The following CEP128 variants were observed in gnomAD, a reference collection of about 807,000 sequenced individuals.
CEP128 encodes the protein centrosomal protein 128, also known as centrosomal protein 128kDa.
In CEP128, 132 loss-of-function variants were observed where a neutral mutation model predicts 156.7. The ratio of observed to expected loss-of-function variants is 0.84; its 90% CI spans 0.73 to 0.97. CEP128 has a LOEUF of 0.97. Among genes scored for constraint, CEP128 ranks in the 50% least tolerant of loss-of-function variants. The pLI is 0.00. For missense variants in CEP128, 1,252 were observed against 1,281.9 expected (o/e 0.98, Z 0.36); for synonymous variants, 469 against 448.9 (o/e 1.04, Z -0.57).
At chr14:80,679,461 CTGAGA>C (rs1255550914) in intron 19 of CEP128, among the ~76,000 whole-genome samples, 1 of 152,100 alleles carries the variant, frequency 6.6e-6, no homozygotes, top group Non-Finnish European at 1.5e-5. Context: ...TCTTACGTGG[CTGAGA>C]TAAGGACTGA....
intron 8 of CEP128, among the ~76,000 whole-genome samples, chr14:80,877,372 A>G (rs977104426): frequency 1.3e-5 from 2 of 152,222 alleles, no homozygotes; most frequent in Non-Finnish European, 1.5e-5. Context: ...ACAGTGTTAC[A>G]CTGACCTTTA....
chr14:80,502,839 T>C (rs1472191999), intron 24 of CEP128, among the ~76,000 whole-genome samples: 1 of 152,238 alleles, frequency 6.6e-6, no homozygotes, highest in Admixed American at 6.5e-5. Flanking sequence ...TACAGGACAA[T>C]TTCTGTAACT....
chr14:80,810,323 C>CAAAAAAAAAAAAAAAAAAAAAAAAA (rs71103883), intron 13 of CEP128, among the ~76,000 whole-genome samples: 5 of 15,206 alleles, frequency 3.3e-4, no homozygotes, highest in Non-Finnish European at 5.3e-4. Context: ...ACTCCATCTC[C>CAAAAAAAAAAAAAAAAAAAAAAAAA]AAAAAAAAAA....
At chr14:80,545,416 A>G (rs1320614327) in intron 21 of CEP128, among the ~76,000 whole-genome samples, 1 of 152,252 alleles carries the variant, frequency 6.6e-6, no homozygotes, top group African/African-American at 2.4e-5. Flanking sequence ...TACCATAAAA[A>G]TAAACAATAA....
intron 8 of CEP128, 140 bp from the exon 9 acceptor site, chr14:80,863,013 C>T (rs553150837): frequency 1.2e-3 from 642 of 527,736 alleles, no homozygotes; most frequent in Non-Finnish European, 1.8e-3. Context: ...CTTCTAATGA[C>T]GCTAACATGA....
intron 23 of CEP128, among the ~76,000 whole-genome samples, chr14:80,517,873 TATC>T (rs1185912402): frequency 2.0e-5 from 3 of 152,058 alleles, no homozygotes; most frequent in African/African-American, 7.2e-5. Flanking sequence ...GGCGAGCCTT[TATC>T]CTGACTGGGA....
rs1885249859 is a variant in CEP128 at position 80,822,604 on chromosome 14, G to A, written c.1209+8539C>T. The A allele has an allele frequency of 7.0e-6, 5 of 714,588 alleles. No homozygotes were observed. In the Admixed American group the frequency reaches 8.8e-5, roughly 13 times the overall value. The allele number at this position is 714,588 out of a possible 1,614,324, so 44.3% of individuals were successfully genotyped here. A position where few individuals can be genotyped will look rare whatever the true frequency, so the allele number is the denominator to read the frequency against. ...ACGAATCACACAGAAGATCCATGAGGTTGTCAGCTAAACCTGCTCCTCCAA... is the reference window on the plus strand; with the variant it reads ...ACGAATCACACAGAAGATCCATGAGATTGTCAGCTAAACCTGCTCCTCCAA... On this transcript the variant is annotated intron_variant, in intron 13 of 24. Transcript: ENST00000555265.
At chr14:80,639,336 T>C (rs2140778214) in intron 19 of CEP128, among the ~76,000 whole-genome samples, 1 of 152,276 alleles carries the variant, frequency 6.6e-6, no homozygotes, top group African/African-American at 2.4e-5. Context: ...TGGGATAAGT[T>C]ACCAAAAGAG....
At chr14:80,820,007 AG>A (rs33927233) in intron 13 of CEP128, among the ~76,000 whole-genome samples, 9,818 of 152,072 alleles carry the variant, frequency 0.065, 1,050 homozygotes, top group African/African-American at 0.22. Context: ...AAAATATTTG[AG>A]TAATAATTTT....
chr14:80,602,942 T>C (rs1227155425), intron 19 of CEP128, among the ~76,000 whole-genome samples: 1 of 151,970 alleles, frequency 6.6e-6, no homozygotes, highest in Non-Finnish European at 1.5e-5. Context: ...AAAGAAGAAA[T>C]CAAAAGTGAA....
At chr14:80,692,046 C>A in intron 19 of CEP128, among the ~76,000 whole-genome samples, 1 of 152,180 alleles carries the variant, frequency 6.6e-6, no homozygotes, top group South Asian at 2.1e-4. Context: ...ACCTGATTAC[C>A]CAGTTAGATG....
chr14:80,691,289 C>G (rs1283382467), intron 19 of CEP128, among the ~76,000 whole-genome samples: 1 of 152,102 alleles, frequency 6.6e-6, no homozygotes, highest in Non-Finnish European at 1.5e-5. Flanking sequence ...TGATATTAAT[C>G]AGAAGTCAAT....
At chr14:80,747,207 A>G (rs1374657366) in intron 18 of CEP128, among the ~76,000 whole-genome samples, 1 of 152,244 alleles carries the variant, frequency 6.6e-6, no homozygotes, top group African/African-American at 2.4e-5. Flanking sequence ...GAGGTACCAT[A>G]TAACCCAGCA....
At chr14:80,600,374 C>A (rs58018311) in intron 19 of CEP128, among the ~76,000 whole-genome samples, 4,317 of 152,168 alleles carry the variant, frequency 0.028, 217 homozygotes, top group African/African-American at 0.098. Context: ...AAGAGATAAT[C>A]TTGAAAGCAG....
At chr14:80,903,832 A>G (rs964491114) in intron 6 of CEP128, among the ~76,000 whole-genome samples, 2 of 152,180 alleles carry the variant, frequency 1.3e-5, no homozygotes, top group Non-Finnish European at 2.9e-5. Flanking sequence ...TTTTATCAAA[A>G]AGATGAAAGA....
At chr14:80,661,188 A>G (rs1230648838) in intron 19 of CEP128, among the ~76,000 whole-genome samples, 1 of 151,814 alleles carries the variant, frequency 6.6e-6, no homozygotes, top group Non-Finnish European at 1.5e-5. Context: ...ATAGTTTAAA[A>G]TAAAACGTGC....
chr14:80,747,369 G>A (rs1899154527), intron 18 of CEP128, among the ~76,000 whole-genome samples: 1 of 152,154 alleles, frequency 6.6e-6, no homozygotes, highest in Non-Finnish European at 1.5e-5. Context: ...TTAAAAAGTG[G>A]AGTATATCCA....
chr14:80,943,949 G>A (rs1425616727), upstream of CEP128, among the ~76,000 whole-genome samples: 2 of 151,142 alleles, frequency 1.3e-5, no homozygotes, highest in Middle Eastern at 3.4e-3. Flanking sequence ...AGCTGAGATG[G>A]TGCCACTGCA....
At chr14:80,604,028 C>T (rs1892684121) in intron 19 of CEP128, among the ~76,000 whole-genome samples, 1 of 152,174 alleles carries the variant, frequency 6.6e-6, no homozygotes, top group Non-Finnish European at 1.5e-5. Context: ...AAAGTTATTA[C>T]TAAAACTTTC....
Sources: allele counts gnomAD v4.1 joint callset (sites outside exome capture counted in the v4.1 genomes callset), GRCh38; gene constraint gnomAD v4.1.1; transcripts MANE v1.5; gene names NCBI Gene and HGNC (gene_info 2026-07-23, HGNC 2026-07-21).